Variants in C8orf89 observed in about 807,000 individuals in gnomAD.
C8orf89 encodes the protein chromosome 8 open reading frame 89.
Under a neutral mutation model 15.8 loss-of-function variants are expected in C8orf89, and 14 were observed. The observed-to-expected ratio is 0.89, with a 90% CI of 0.59 to 1.39. The LOEUF (loss-of-function observed/expected upper bound fraction) is 1.39. Among genes scored for constraint, C8orf89 ranks in the 40% most tolerant of loss-of-function variants. C8orf89 has a pLI of 0.00. For missense variants in C8orf89, 181 were observed against 184.5 expected (o/e 0.98, Z 0.11); for synonymous variants, 55 against 62.2 (o/e 0.88, Z 0.54).
At chr8:73,276,178 CT>C in the C8orf89 span, among the ~76,000 whole-genome samples, 574 of 131,618 alleles carry the variant, frequency 4.4e-3, 11 homozygotes, top group African/African-American at 0.013. Context: ...ATTTCTGATG[CT>C]TTTTTTTTTT....
In C8orf89 at chr8:73,256,997, G is replaced by A. The variant is rs1813408120; in HGVS notation, c.257C>T (p.Ala86Val). The change falls in exon 2 of 4, where the codon GCT becomes GTT. Residue 86 changes from alanine to valine, a missense_variant. By Grantham distance (64) the Ala-to-Val change is moderately conservative. Transcript: ENST00000624510. The stretch of plus-strand genomic sequence containing the variant: ...CCTGACTGCAGACACCTCGGCATCA[G>A]CACGTGGCAGTCTTTTAGGAACCTC... ...PLEVPKRLPR[A>V]DAEVSAVRLK... The A allele has an allele frequency of 3.9e-6, 6 of 1,535,056 alleles. No individual in the cohort carries two copies. Among genetic ancestry groups the A allele is most frequent in the Non-Finnish European group, 5.2e-6 (6 of 1,146,386 alleles).
At chr8:73,285,308 A>G in the C8orf89 span, among the ~76,000 whole-genome samples, 1 of 152,176 alleles carries the variant, frequency 6.6e-6, no homozygotes, top group Non-Finnish European at 1.5e-5. Context: ...AGGGGTGCAG[A>G]AAGAATATAC....
the C8orf89 span, among the ~76,000 whole-genome samples, chr8:73,281,728 C>T: frequency 2.7e-4 from 41 of 152,214 alleles, no homozygotes; most frequent in Non-Finnish European, 5.4e-4. Context: ...TAGAAATCAA[C>T]TGTGGGAGAG....
the C8orf89 span, among the ~76,000 whole-genome samples, chr8:73,284,186 A>T: frequency 1.9e-3 from 277 of 149,178 alleles, 2 homozygotes; most frequent in African/African-American, 6.5e-3. Flanking sequence ...AAGTAAACTG[A>T]TATGAATGGT....
At chr8:73,266,211 C>G in the C8orf89 span, among the ~76,000 whole-genome samples, 2 of 152,228 alleles carry the variant, frequency 1.3e-5, no homozygotes, top group African/African-American at 2.4e-5. Context: ...TGAAAACCTT[C>G]GGCCACCTCT....
chr8:73,255,612 TATACCCAAAGGACTATA>T (rs1813356485), intron 2 of C8orf89, among the ~76,000 whole-genome samples: 2 of 150,068 alleles, frequency 1.3e-5, no homozygotes, highest in South Asian at 4.2e-4. Context: ...TTACTGGGTA[TATACCCAAAGGACTATA>T]AATCATGCTG....
chr8:73,270,042 C>T, the C8orf89 span, among the ~76,000 whole-genome samples: 2 of 152,072 alleles, frequency 1.3e-5, no homozygotes, highest in African/African-American at 2.4e-5. Context: ...AATATAAGAA[C>T]CTTCATTAAA....
upstream of C8orf89, among the ~76,000 whole-genome samples, chr8:73,263,815 A>T (rs1813572091): frequency 6.6e-6 from 1 of 152,198 alleles, no homozygotes; most frequent in Non-Finnish European, 1.5e-5. Flanking sequence ...GTAGAGTTCT[A>T]TATTGGTGAT....
intron 3 of C8orf89, among the ~76,000 whole-genome samples, chr8:73,246,697 T>G (rs1307796366): frequency 6.6e-6 from 1 of 152,162 alleles, no homozygotes; most frequent in Non-Finnish European, 1.5e-5. Context: ...TTTGTTCTAA[T>G]TAACATTTAT....
the C8orf89 span, among the ~76,000 whole-genome samples, chr8:73,267,297 A>G: frequency 6.6e-6 from 1 of 152,238 alleles, no homozygotes; most frequent in Admixed American, 6.5e-5. Context: ...TACTATAATA[A>G]AAGTTATGTG....
chr8:73,270,046 C>A, the C8orf89 span, among the ~76,000 whole-genome samples: 2 of 152,068 alleles, frequency 1.3e-5, no homozygotes, highest in Non-Finnish European at 2.9e-5. Flanking sequence ...TAAGAACCTT[C>A]ATTAAAAACT....
At chr8:73,277,008 T>C in the C8orf89 span, among the ~76,000 whole-genome samples, 7 of 151,858 alleles carry the variant, frequency 4.6e-5, 1 homozygote, top group Non-Finnish European at 8.8e-5. Flanking sequence ...AGTTTTGTCA[T>C]GTAACCCAGG....
the C8orf89 span, among the ~76,000 whole-genome samples, chr8:73,268,116 A>G: frequency 3.6e-4 from 55 of 152,312 alleles, 1 homozygote; most frequent in East Asian, 0.01. Flanking sequence ...CTTTCCACAA[A>G]TAAATTACAA....
chr8:73,284,670 C>T, the C8orf89 span, among the ~76,000 whole-genome samples: 2 of 152,158 alleles, frequency 1.3e-5, no homozygotes, highest in Non-Finnish European at 2.9e-5. Flanking sequence ...TCCTTTCTAA[C>T]TCCATATACT....
At chr8:73,243,531 T>TC (rs1397151445) in intron 3 of C8orf89, among the ~76,000 whole-genome samples, 1 of 152,196 alleles carries the variant, frequency 6.6e-6, no homozygotes, top group Non-Finnish European at 1.5e-5. Context: ...CTTTTTCTTT[T>TC]CTTTTTTTTG....
At chr8:73,271,067 C>T in the C8orf89 span, among the ~76,000 whole-genome samples, 23 of 152,280 alleles carry the variant, frequency 1.5e-4, 1 homozygote, top group South Asian at 8.3e-4. Flanking sequence ...TTTGCCAATC[C>T]CCCATTCCTG....
chr8:73,259,522 CA>C lies in C8orf89; in HGVS notation c.-65del, dbSNP rs944149007. ...TGCTGCAGAGACAGGACACAAAATACAAAAAAAACAAGGCACGTCCGAGACA... is the reference window on the plus strand; with the variant it reads ...TGCTGCAGAGACAGGACACAAAATACAAAAAAACAAGGCACGTCCGAGACA... On this transcript the variant is annotated 5_prime_UTR_variant, in exon 1 of 4. Coordinates refer to ENST00000624510, the MANE Select transcript of C8orf89 (RefSeq NM_001243237.3). The C allele has an allele frequency of 1.5e-4, 191 of 1,242,946 alleles. No individual in the cohort carries two copies. Among genetic ancestry groups the C allele is most frequent in the South Asian group, 1.3e-4 (6 of 46,226 alleles). 77.0% of individuals were successfully genotyped at this position (1,242,946 alleles called of 1,614,324 possible).
At chr8:73,285,401 G>A in the C8orf89 span, among the ~76,000 whole-genome samples, 1 of 152,198 alleles carries the variant, frequency 6.6e-6, no homozygotes, top group Non-Finnish European at 1.5e-5. Context: ...ATGCTCAGAT[G>A]TTTCTGCCAG....
chr8:73,245,703 T>C (rs1340409647), intron 3 of C8orf89, among the ~76,000 whole-genome samples: 3 of 152,142 alleles, frequency 2.0e-5, no homozygotes, highest in Admixed American at 1.3e-4. Context: ...AAGACTAAAC[T>C]TTATGCTAAT....
Sources: allele counts gnomAD v4.1 joint callset (sites outside exome capture counted in the v4.1 genomes callset), GRCh38; gene constraint gnomAD v4.1.1; transcripts MANE v1.5; gene names NCBI Gene and HGNC (gene_info 2026-07-23, HGNC 2026-07-21).